The following CACNA1G variants were observed in gnomAD, a reference collection of about 807,000 sequenced individuals.
CACNA1G encodes the protein calcium voltage-gated channel subunit alpha1 G.
A neutral mutation model predicts 219.4 loss-of-function variants in CACNA1G; 67 were observed. The observed-to-expected ratio is 0.31, with a 90% CI of 0.25 to 0.37. The LOEUF (loss-of-function observed/expected upper bound fraction) is 0.37, where lower values mean the gene tolerates loss of function less well. Ranked by LOEUF, CACNA1G falls within the 10% of genes least tolerant of loss-of-function variation. The probability of loss-of-function intolerance (pLI) is 1.00; values close to 1 mark genes in which losing one functional copy is unlikely to be tolerated. For missense variants in CACNA1G, 2,380 were observed against 3,231.4 expected, an observed-to-expected ratio of 0.74 and a Z score of 6.39; for synonymous variants, 1,296 against 1,345.3, an observed-to-expected ratio of 0.96 and a Z score of 0.80.
chr17:50,564,306 C>T (rs1047741630), intron 1 of CACNA1G, among the ~76,000 whole-genome samples: 2 of 151,604 alleles, frequency 1.3e-5, no homozygotes, highest in African/African-American at 2.4e-5. Context: ...TGAGGGAGCG[C>T]GCTCCCCTCT....
intron 9 of CACNA1G, among the ~76,000 whole-genome samples, chr17:50,580,116 G>T (rs2041614439): frequency 6.6e-6 from 1 of 151,964 alleles, no homozygotes; most frequent in Non-Finnish European, 1.5e-5. Flanking sequence ...GAGAGAGAGT[G>T]GGACCCTGGC....
chr17:50,582,321 G>T (rs2042128976), intron 9 of CACNA1G, among the ~76,000 whole-genome samples: 1 of 152,178 alleles, frequency 6.6e-6, no homozygotes, highest in South Asian at 2.1e-4. Flanking sequence ...CTCCGGCAGT[G>T]GTCCAGGCAG....
At chr17:50,572,966 G>A (rs2039784559) in intron 6 of CACNA1G, 55 bp from the exon 7 acceptor site, 2 of 1,560,182 alleles carry the variant, frequency 1.3e-6, no homozygotes, top group Non-Finnish European at 1.7e-6. Context: ...CTCTGGAGGA[G>A]ACTGAAGGAG....
chr17:50,561,722 G>C (rs752382649), intron 1 of CACNA1G, 21 bp downstream of exon 1: 16 of 1,540,210 alleles, frequency 1.0e-5, no homozygotes, highest in Non-Finnish European at 1.3e-5. Context: ...GGGCACGACG[G>C]CCAGGCGCGG....
At chr17:50,608,771 A>G (rs948720576) in intron 25 of CACNA1G, among the ~76,000 whole-genome samples, 1 of 152,070 alleles carries the variant, frequency 6.6e-6, no homozygotes, top group African/African-American at 2.4e-5. Context: ...GACAGAGGCC[A>G]GGAAGGATGT....
At chr17:50,570,589 G>GTGTGT (rs1567968386) in intron 4 of CACNA1G, among the ~76,000 whole-genome samples, 1 of 150,536 alleles carries the variant, frequency 6.6e-6, no homozygotes. Flanking sequence ...GTGTGTGTGT[G>GTGTGT]ATGTTGCTGC....
intron 9 of CACNA1G, among the ~76,000 whole-genome samples, chr17:50,579,394 T>C (rs569080037): frequency 6.6e-6 from 1 of 152,210 alleles, no homozygotes. Context: ...AAGGGTAGCC[T>C]GGGGGACCCC....
In CACNA1G at chr17:50,591,712, T is replaced by C. The variant is rs764113255; in HGVS notation, c.2640-27T>C. 6 of 1,612,460 alleles carry C rather than the reference T, an allele frequency of 3.7e-6. No homozygotes were observed. The African/African-American group carries it at 4.0e-5, about 11-fold the overall frequency. On this transcript the variant is annotated intron_variant, in intron 11 of 37. Transcript: ENST00000359106. ...GTGAGGAGCACTGGGCTCTGATCCC[T>C]AGCTTGTGGCCCCCTTGTGCCCACA...
At position 50,601,040 on chromosome 17, in the gene CACNA1G, T is replaced by C. The variant is rs1252320639; in HGVS notation, c.3792-11T>C. 6.2e-7 allele frequency: 1 copy of C among 1,613,380 alleles called. No individual in the cohort carries two copies. Among genetic ancestry groups the C allele is most frequent in the East Asian group, 2.2e-5 (1 of 44,854 alleles). ...CTCCCCCTCTCAGCCGTTGCCTCCA[T>C]GCCTGGGCAGGTTCCGCCTCCTGTG... On this transcript the variant is annotated splice_polypyrimidine_tract_variant and intron_variant, in intron 18 of 37. Transcript: ENST00000359106.
intron 19 of CACNA1G, among the ~76,000 whole-genome samples, chr17:50,601,464 G>A (rs1202188510): frequency 1.3e-5 from 2 of 152,252 alleles, no homozygotes; most frequent in Non-Finnish European, 2.9e-5. Context: ...GTGAGTCGGG[G>A]AGTGCTGGGG....
intron 36 of CACNA1G, 36 bp from the exon 37 acceptor site, chr17:50,624,324 T>TCCCCCCCCCCCCCCCCCCCCGTCCCCCC: frequency 8.5e-7 from 1 of 1,177,664 alleles, no homozygotes; most frequent in Non-Finnish European, 1.2e-6. Context: ...CTCCATTCTC[T>TCCCCCCCCCCCCCCCCCCCCGTCCCCCC]CCCCCCACCC....
chr17:50,592,791 C>T (rs1330719554), intron 13 of CACNA1G, among the ~76,000 whole-genome samples: 1 of 152,196 alleles, frequency 6.6e-6, no homozygotes, highest in Non-Finnish European at 1.5e-5. Flanking sequence ...GCTGGGGCTT[C>T]AAACAGGGCA....
chr17:50,626,612 G>T lies in CACNA1G; in HGVS notation c.6995G>T (p.Arg2332Leu). The change falls in exon 38 of 38, where the codon CGG becomes CTG. Residue 2332 changes from arginine (R) to leucine (L), a missense_variant. By Grantham distance (102) the Arg-to-Leu change is moderately radical. This residue lies in a region of CACNA1G where 672 missense variants were observed against 670.5 expected (regional missense o/e 1.00). Coordinates refer to ENST00000359106, the MANE Select transcript of CACNA1G (RefSeq NM_018896.5). The surrounding 1 kb of genome is among the most constrained non-coding windows in gnomAD (Gnocchi z 4.3). Reference sequence around the variant, plus strand: ...CCGCCCAGCCCTGGTATCTGCCTCCGGAGGAGGGCTCCGTCCAGCGACTCC... The same window carrying T: ...CCGCCCAGCCCTGGTATCTGCCTCCTGAGGAGGGCTCCGTCCAGCGACTCC... The part of the protein sequence containing the change: ...RTPPSPGICL[R>L]RRAPSSDSKD... The T allele has an allele frequency of 6.2e-7, 1 of 1,611,488 alleles. No homozygotes were observed. Among genetic ancestry groups the T allele is most frequent in the African/African-American group, 1.3e-5 (1 of 74,316 alleles).
At chr17:50,606,220 G>A (rs759859009) in intron 23 of CACNA1G, 197 bp downstream of exon 23, 7 of 790,870 alleles carry the variant, frequency 8.9e-6, no homozygotes, top group Non-Finnish European at 1.6e-5. Flanking sequence ...GGGCCCATGG[G>A]GTCTCTAGCC....
intron 34 of CACNA1G, among the ~76,000 whole-genome samples, chr17:50,620,069 G>A (rs573395538): frequency 6.6e-6 from 1 of 152,212 alleles, no homozygotes; most frequent in South Asian, 2.1e-4. Flanking sequence ...GTGTGTGGAG[G>A]AGGAGCTTGG....
intron 22 of CACNA1G, among the ~76,000 whole-genome samples, chr17:50,605,028 C>A (rs559116861): frequency 2.0e-5 from 3 of 151,946 alleles, no homozygotes; most frequent in Admixed American, 2.0e-4. Context: ...CCTAGAAATT[C>A]TCTAGCCCTA....
intron 1 of CACNA1G, among the ~76,000 whole-genome samples, chr17:50,566,925 T>C (rs1032224876): frequency 2.0e-5 from 3 of 152,186 alleles, no homozygotes; most frequent in African/African-American, 7.2e-5. Context: ...GGAGCCCCTC[T>C]TCCTCAGAGA....
In CACNA1G at chr17:50,617,489, G is replaced by A. The variant is rs768968604; in HGVS notation, c.5073G>A (p.Thr1691=). The change falls in exon 29 of 38, where the codon ACG becomes ACA. Residue 1691 remains threonine (T), a synonymous_variant. Coordinates refer to ENST00000359106, the MANE Select transcript of CACNA1G (RefSeq NM_018896.5). The surrounding 1 kb of genome is among the most constrained non-coding windows in gnomAD (Gnocchi z 5.8). ...AIVLLSIMGI[T]LEEIEVNASL... The stretch of plus-strand genomic sequence containing the variant: ...TGCTGCTGTCCATCATGGGCATCAC[G>A]CTGGAGGAAATCGAGGTCAACGCCT... The A allele has an allele frequency of 1.2e-5, 19 of 1,613,970 alleles. No individual in the cohort carries two copies. The highest frequency in any genetic ancestry group is 3.3e-5 in the Admixed American group (2 of 60,014).
intron 4 of CACNA1G, among the ~76,000 whole-genome samples, chr17:50,570,575 G>A (rs747343412): frequency 2.0e-5 from 3 of 151,596 alleles, no homozygotes; most frequent in Non-Finnish European, 4.4e-5. Flanking sequence ...GTGTGTGTGT[G>A]TGTGTGTGTG....
Sources: gnomAD v4.1 joint callset for allele counts (sites outside exome capture counted in the v4.1 genomes callset) on GRCh38, gnomAD v4.1.1 for gene constraint, gnomAD v4.1.1 regional missense constraint, Gnocchi (gnomAD v3.1) non-coding constraint, MANE v1.5 for transcripts, NCBI Gene and HGNC (gene_info 2026-07-23, HGNC 2026-07-21) for gene names.